RBFOX2: variants seen among roughly 807,000 people sequenced by gnomAD.
RBFOX2 encodes RNA binding fox-1 homolog 2, also known as RNA binding protein fox-1 homolog 2.
In RBFOX2, 10 loss-of-function variants were observed where a neutral mutation model predicts 49.1. The ratio of observed to expected loss-of-function variants is 0.20; its 90% CI spans 0.13 to 0.35. RBFOX2 has a LOEUF of 0.35. Among genes scored for constraint, RBFOX2 ranks in the 10% least tolerant of loss-of-function variants. The probability of loss-of-function intolerance (pLI) is 1.00; values close to 1 mark genes in which losing one functional copy is unlikely to be tolerated. For synonymous variants in RBFOX2, 183 were observed against 187.4 expected (o/e 0.98, Z 0.19); for missense variants, 323 against 486.9 (o/e 0.66, Z 3.17).
intron 1 of RBFOX2, among the ~76,000 whole-genome samples, chr22:35,937,160 A>G (rs1379269532): frequency 2.6e-5 from 4 of 152,228 alleles, no homozygotes; most frequent in African/African-American, 4.8e-5. Context: ...GCCCAATCTT[A>G]CACTTACCCA....
At chr22:35,832,937 G>A (rs180938737) in intron 1 of RBFOX2, among the ~76,000 whole-genome samples, 1 of 152,184 alleles carries the variant, frequency 6.6e-6, no homozygotes. Flanking sequence ...GCTAGAAGGG[G>A]AGATTTGAAA....
chr22:35,866,369 T>C (rs1454372436), intron 1 of RBFOX2, among the ~76,000 whole-genome samples: 2 of 152,192 alleles, frequency 1.3e-5, no homozygotes, highest in Non-Finnish European at 2.9e-5. Flanking sequence ...AACTCATTTA[T>C]ATTTATTAAT....
upstream of RBFOX2, among the ~76,000 whole-genome samples, chr22:35,940,059 T>C (rs1603451240): frequency 6.6e-6 from 1 of 152,208 alleles, no homozygotes; most frequent in African/African-American, 2.4e-5. Flanking sequence ...TTTTCATTGA[T>C]AGGACTTTTG....
At chr22:35,869,968 G>T (rs189601111) in intron 1 of RBFOX2, among the ~76,000 whole-genome samples, 209 of 152,132 alleles carry the variant, frequency 1.4e-3, no homozygotes, top group Non-Finnish European at 2.2e-3. Flanking sequence ...AAATTTTTTT[G>T]AACTATACAG....
intron 1 of RBFOX2, among the ~76,000 whole-genome samples, chr22:35,954,286 G>A (rs752288520): frequency 1.3e-5 from 2 of 152,196 alleles, no homozygotes; most frequent in African/African-American, 2.4e-5. Context: ...CAGGGAAGCT[G>A]TGAAGATTAA....
At chr22:35,955,094 C>T (rs924742854) in intron 1 of RBFOX2, among the ~76,000 whole-genome samples, 5 of 152,232 alleles carry the variant, frequency 3.3e-5, no homozygotes, top group African/African-American at 7.2e-5. Flanking sequence ...CTCTAGCCCA[C>T]GCTCTTTCAA....
chr22:35,936,726 G>A (rs995747186), intron 1 of RBFOX2, among the ~76,000 whole-genome samples: 2 of 152,170 alleles, frequency 1.3e-5, no homozygotes, highest in Non-Finnish European at 2.9e-5. Context: ...GGTTACAGAA[G>A]TGGGCCCCTA....
intron 1 of RBFOX2, among the ~76,000 whole-genome samples, chr22:35,835,019 T>G (rs750061662): frequency 6.6e-6 from 1 of 152,222 alleles, no homozygotes; most frequent in Non-Finnish European, 1.5e-5. Flanking sequence ...GATGGCAGAA[T>G]GCAGCATTTC....
intron 1 of RBFOX2, among the ~76,000 whole-genome samples, chr22:35,907,468 G>C (rs866190794): frequency 6.6e-6 from 1 of 152,072 alleles, no homozygotes; most frequent in Admixed American, 6.6e-5. Context: ...TTAGATCCTT[G>C]GTAACCAGAC....
At chr22:35,786,535 G>A (rs977355141) in intron 2 of RBFOX2, among the ~76,000 whole-genome samples, 2 of 152,126 alleles carry the variant, frequency 1.3e-5, no homozygotes, top group African/African-American at 4.8e-5. Flanking sequence ...GAAGCACCCT[G>A]GGGGGCCCCC....
rs1314268382 is a variant in RBFOX2 at position 35,765,355 on chromosome 22, A to G, written c.607+68T>C. On this transcript the variant is annotated intron_variant, in intron 6 of 11. Transcript: ENST00000405409. ...TTAAGACGGAAATAAAGACATTCTT[A>G]GAAGTTTATAAAAACTTCATATATT... The G allele has an allele frequency of 2.7e-6, 3 of 1,118,688 alleles. No homozygotes were observed. In the African/African-American group the frequency reaches 4.9e-5, roughly 18 times the overall value. 69.3% of individuals were successfully genotyped at this position (1,118,688 alleles called of 1,614,324 possible).
intron 1 of RBFOX2, among the ~76,000 whole-genome samples, chr22:35,926,720 A>G (rs888862127): frequency 2.0e-5 from 3 of 152,218 alleles, no homozygotes; most frequent in African/African-American, 4.8e-5. Context: ...GGCATCATTC[A>G]TCTATCCACA....
chr22:35,780,490 C>G (rs968853644), intron 3 of RBFOX2, among the ~76,000 whole-genome samples: 3 of 152,088 alleles, frequency 2.0e-5, no homozygotes, highest in Non-Finnish European at 4.4e-5. Flanking sequence ...ACTAACTTCC[C>G]AACAACTCAA....
intron 1 of RBFOX2, among the ~76,000 whole-genome samples, chr22:35,960,734 A>G (rs2056104491): frequency 6.6e-6 from 1 of 152,198 alleles, no homozygotes; most frequent in South Asian, 2.1e-4. Context: ...CAAAATCACG[A>G]AGAGCCAATT....
intron 9 of RBFOX2, among the ~76,000 whole-genome samples, chr22:35,757,300 T>G (rs1937283812): frequency 6.6e-6 from 1 of 151,796 alleles, no homozygotes; most frequent in South Asian, 2.1e-4. Context: ...GGTACCTTTG[T>G]GCATACAGAC....
intron 1 of RBFOX2, among the ~76,000 whole-genome samples, chr22:35,834,466 G>A (rs573696150): frequency 6.6e-6 from 1 of 152,240 alleles, no homozygotes; most frequent in African/African-American, 2.4e-5. Context: ...TTGGGGTCGG[G>A]GAGGAGACAG....
At chr22:35,878,036 TACTACACAC>T (rs975706332) in intron 1 of RBFOX2, among the ~76,000 whole-genome samples, 23 of 109,322 alleles carry the variant, frequency 2.1e-4, no homozygotes, top group African/African-American at 9.4e-4. Context: ...CTACTACTAC[TACTACACAC>T]ACACACACAC....
At chr22:35,916,954 A>T (rs752057985) in intron 1 of RBFOX2, among the ~76,000 whole-genome samples, 31 of 152,178 alleles carry the variant, frequency 2.0e-4, no homozygotes, top group Admixed American at 5.2e-4. Context: ...GATGCATAGC[A>T]AGCATTCAGT....
upstream of RBFOX2, chr22:35,961,836 C>T (rs758483687): frequency 6.1e-5 from 39 of 637,908 alleles, no homozygotes; most frequent in Non-Finnish European, 7.2e-5. Context: ...ACTAAGAAAA[C>T]ACAGAGAAAT....
Sources: allele counts gnomAD v4.1 joint callset (sites outside exome capture counted in the v4.1 genomes callset), GRCh38; gene constraint gnomAD v4.1.1; transcripts MANE v1.5; gene names NCBI Gene and HGNC (gene_info 2026-07-23, HGNC 2026-07-21).